Variants in UNC5D observed in about 807,000 individuals in gnomAD.
UNC5D encodes unc-5 netrin receptor D.
UNC5D carries 39 observed loss-of-function variants against 105.4 expected under a neutral mutation model. That is an observed-to-expected ratio of 0.37 (90% CI 0.29 to 0.48). UNC5D has a LOEUF of 0.48. Among genes scored for constraint, UNC5D ranks in the 20% least tolerant of loss-of-function variants. The pLI is 0.98. For missense variants in UNC5D, 991 were observed against 1,202.4 expected (o/e 0.82, Z 2.60); for synonymous variants, 452 against 450.4 (o/e 1.00, Z -0.04).
intron 1 of UNC5D, among the ~76,000 whole-genome samples, chr8:35,347,582 T>C (rs1811896328): frequency 6.6e-6 from 1 of 152,106 alleles, no homozygotes; most frequent in Non-Finnish European, 1.5e-5. Context: ...TTCTTGGTGA[T>C]ATGATTCCTT....
chr8:35,284,927 C>A (rs1424564792), intron 1 of UNC5D, among the ~76,000 whole-genome samples: 5 of 152,112 alleles, frequency 3.3e-5, no homozygotes, highest in African/African-American at 7.2e-5. Flanking sequence ...TAGTAAAGTT[C>A]TTTTAATCAA....
chr8:35,610,364 C>T (rs773013327), intron 4 of UNC5D, among the ~76,000 whole-genome samples: 1 of 152,138 alleles, frequency 6.6e-6, no homozygotes, highest in Non-Finnish European at 1.5e-5. Flanking sequence ...ATCATCCCAC[C>T]CTTAGAATTA....
chr8:35,426,316 C>A (rs1174261514), intron 1 of UNC5D, among the ~76,000 whole-genome samples: 1 of 152,090 alleles, frequency 6.6e-6, no homozygotes, highest in Admixed American at 6.5e-5. Flanking sequence ...CTTAAATATA[C>A]TACTTTAAAC....
At chr8:35,404,009 G>A (rs1299560121) in intron 1 of UNC5D, among the ~76,000 whole-genome samples, 1 of 152,172 alleles carries the variant, frequency 6.6e-6, no homozygotes, top group African/African-American at 2.4e-5. Context: ...GATGCGTATT[G>A]CCTGCACTTG....
At chr8:35,658,644 CTTTTTTTTTT>C (rs34252660) in intron 4 of UNC5D, among the ~76,000 whole-genome samples, 1 of 84,366 alleles carries the variant, frequency 1.2e-5, no homozygotes, top group Non-Finnish European at 2.3e-5. Flanking sequence ...TCATGAGTGA[CTTTTTTTTTT>C]TTTTTTTTTT....
At chr8:35,768,679 C>T (rs1280292929) in intron 15 of UNC5D, among the ~76,000 whole-genome samples, 1 of 152,118 alleles carries the variant, frequency 6.6e-6, no homozygotes, top group Admixed American at 6.5e-5. Context: ...TATTTTTGCT[C>T]CTTGCTTAAT....
chr8:35,366,482 A>G (rs1563348724), intron 1 of UNC5D, among the ~76,000 whole-genome samples: 1 of 152,044 alleles, frequency 6.6e-6, no homozygotes, highest in Non-Finnish European at 1.5e-5. Context: ...AGAACTGGTG[A>G]GAGTTTTCTG....
chr8:35,587,662 G>T (rs1018655492), intron 3 of UNC5D, among the ~76,000 whole-genome samples: 2 of 152,030 alleles, frequency 1.3e-5, no homozygotes, highest in African/African-American at 2.4e-5. Context: ...GATCTTCCTT[G>T]CTTCCTTCTT....
chr8:35,496,921 C>T (rs1388493542), intron 1 of UNC5D, among the ~76,000 whole-genome samples: 1 of 152,068 alleles, frequency 6.6e-6, no homozygotes. Flanking sequence ...GTTTGAGGCA[C>T]ACGTGTAGGG....
At chr8:35,259,405 T>A (rs974830022) in intron 1 of UNC5D, among the ~76,000 whole-genome samples, 1 of 152,142 alleles carries the variant, frequency 6.6e-6, no homozygotes, top group African/African-American at 2.4e-5. Context: ...GCTACCATAA[T>A]AGTTGTTTGG....
chr8:35,276,526 T>C (rs1432499082), intron 1 of UNC5D, among the ~76,000 whole-genome samples: 3 of 152,218 alleles, frequency 2.0e-5, no homozygotes, highest in Non-Finnish European at 4.4e-5. Flanking sequence ...TTTGAGATAG[T>C]TGCATGTAGC....
chr8:35,243,971 G>A (rs937523533), intron 1 of UNC5D, among the ~76,000 whole-genome samples: 1 of 152,150 alleles, frequency 6.6e-6, no homozygotes, highest in Admixed American at 6.5e-5. Flanking sequence ...TTGTAAGAGG[G>A]TTTGACATTT....
At chr8:35,711,924 A>G (rs937465123) in intron 8 of UNC5D, among the ~76,000 whole-genome samples, 8 of 152,332 alleles carry the variant, frequency 5.3e-5, no homozygotes, top group African/African-American at 1.9e-4. Context: ...TAGATATTCA[A>G]TTAATATTTG....
At chr8:35,731,449 T>C (rs967813042) in intron 11 of UNC5D, among the ~76,000 whole-genome samples, 1 of 143,928 alleles carries the variant, frequency 6.9e-6, no homozygotes, top group African/African-American at 2.6e-5. Context: ...AAATATGGAC[T>C]GGAACTTCTG....
chr8:35,726,890 T>G, intron 10 of UNC5D: 2 of 257,474 alleles, frequency 7.8e-6, no homozygotes, highest in Non-Finnish European at 1.5e-5. Flanking sequence ...CAGGGCCCCA[T>G]GTTTATACCT....
At position 35,571,544 on chromosome 8, in the gene UNC5D, G is replaced by C. The variant is rs78662375; in HGVS notation, c.466+3303G>C. Among the ~76,000 whole-genome samples, 1,459 of 152,206 alleles carry C rather than the reference G, an allele frequency of 9.6e-3. 30 individuals are homozygous for C. Among genetic ancestry groups the C allele is most frequent in the African/African-American group, 0.032 (1,337 of 41,526 alleles). The stretch of plus-strand genomic sequence containing the variant: ...TAGTGTAATGGCATCAAAAGTCAGG[G>C]GGGTGGGGGAGTTGCCTTTAGGACC... On this transcript the variant is annotated intron_variant, in intron 3 of 16. Transcript: ENST00000404895.
At chr8:35,724,142 A>G (rs1312518111) in intron 9 of UNC5D, 8 of 1,435,604 alleles carry the variant, frequency 5.6e-6, no homozygotes, top group Non-Finnish European at 7.3e-6. Context: ...CTGTCTGGGG[A>G]GTGCTGACTT....
At position 35,587,993 on chromosome 8, in the gene UNC5D, T is replaced by TAC. The variant is rs1554567980; in HGVS notation, c.467-7560_467-7559dup. On this transcript the variant is annotated intron_variant, in intron 3 of 16. Transcript: ENST00000404895. ...ATATATATATATATATATATATATA[T>TAC]ACTAATCCCACACCAGTTGCTATTT... Among the ~76,000 whole-genome samples the TAC allele has an allele frequency of 1.6e-4, 23 of 141,200 alleles. 2 individuals are homozygous for TAC. The highest frequency in any genetic ancestry group is 8.6e-4 in the Admixed American group (12 of 13,964). The allele number at this position is 141,200 out of a possible 152,430, so 92.6% of individuals were successfully genotyped here. A position where few individuals can be genotyped will look rare whatever the true frequency, so the allele number is the denominator to read the frequency against.
At chr8:35,463,121 A>G (rs1809020358) in intron 1 of UNC5D, among the ~76,000 whole-genome samples, 1 of 152,118 alleles carries the variant, frequency 6.6e-6, no homozygotes, top group South Asian at 2.1e-4. Flanking sequence ...TTCCAATTGG[A>G]TTTGTGTCTG....
Sources: gnomAD v4.1 joint callset for allele counts (sites outside exome capture counted in the v4.1 genomes callset) on GRCh38, gnomAD v4.1.1 for gene constraint, MANE v1.5 for transcripts, NCBI Gene and HGNC (gene_info 2026-07-23, HGNC 2026-07-21) for gene names.